Variants in RASGRP4 observed in about 807,000 individuals in gnomAD.
The protein encoded by RASGRP4 is RAS guanyl-releasing protein 4.
RASGRP4 carries 52 observed loss-of-function variants against 84.4 expected under a neutral mutation model. The ratio of observed to expected loss-of-function variants is 0.62; its 90% CI spans 0.49 to 0.78. The LOEUF (loss-of-function observed/expected upper bound fraction) is 0.78, where lower values mean the gene tolerates loss of function less well. RASGRP4 is among the 30% of genes least tolerant of loss of function. The pLI is 0.00. For synonymous variants in RASGRP4, 356 were observed against 359.1 expected, an observed-to-expected ratio of 0.99 and a Z score of 0.10; for missense variants, 760 against 886.9, an observed-to-expected ratio of 0.86 and a Z score of 1.82.
rs1443891848 is a variant in RASGRP4 at position 38,409,987 on chromosome 19, A to G, written c.*53T>C. The G allele has an allele frequency of 2.0e-6, 3 of 1,483,420 alleles. No individual in the cohort carries two copies. In the Admixed American group the frequency reaches 5.3e-5, roughly 26 times the overall value. The allele number at this position is 1,483,420 out of a possible 1,614,324, so 91.9% of individuals were successfully genotyped here. On this transcript the variant is annotated 3_prime_UTR_variant, in exon 17 of 17. Coordinates refer to ENST00000615439, the MANE Select transcript of RASGRP4 (RefSeq NM_170604.3). ...AGCCCTGCCAGAGTCTGACGGCAGG[A>G]CTCAGGACTGACTGGGGGAAGGGAG...
chr19:38,424,694 A>C (rs1454608914), intron 1 of RASGRP4, among the ~76,000 whole-genome samples: 1 of 151,890 alleles, frequency 6.6e-6, no homozygotes, highest in Non-Finnish European at 1.5e-5. Flanking sequence ...TATCCTCCCA[A>C]AGTGCTGGGA....
At chr19:38,426,042 C>A (rs1400624707) in intron 1 of RASGRP4, 27 bp downstream of exon 1, 1 of 1,365,638 alleles carries the variant, frequency 7.3e-7, no homozygotes, top group South Asian at 2.0e-5. Flanking sequence ...AGGGTGCTGC[C>A]GGGCTCCCTG....
chr19:38,415,564 G>A (rs531263033), intron 8 of RASGRP4, among the ~76,000 whole-genome samples: 1 of 151,418 alleles, frequency 6.6e-6, no homozygotes, highest in African/African-American at 2.4e-5. Flanking sequence ...GTAGAGACAG[G>A]GTTTTACCAT....
chr19:38,413,939 C>T lies in RASGRP4; in HGVS notation c.1231-465G>A, dbSNP rs1971384410. 6.6e-6 allele frequency among the ~76,000 whole-genome samples: 1 copy of T among 152,100 alleles called. No individual in the cohort carries two copies. The highest frequency in any genetic ancestry group is 2.1e-4 in the South Asian group (1 of 4,826). ...GAGCTCACTCTGCTCCATATACTGT[C>T]GTTTTTTGAGACAGAGTCTTGCTCT... On this transcript the variant is annotated intron_variant, in intron 9 of 16. Coordinates refer to ENST00000615439, the MANE Select transcript of RASGRP4 (RefSeq NM_170604.3). This position sits in a 1 kb window ranked among gnomAD's most constrained non-coding sequence, Gnocchi z 4.7.
At chr19:38,421,931 G>C (rs771028616) in intron 2 of RASGRP4, 38 bp downstream of exon 2, 57 of 1,578,410 alleles carry the variant, frequency 3.6e-5, no homozygotes, top group Non-Finnish European at 4.2e-5. Context: ...TGAGCCCGAG[G>C]TTAGGGCCAG....
At chr19:38,419,805 C>G (rs1971656174) in intron 6 of RASGRP4, 55 bp downstream of exon 6, 1 of 1,513,332 alleles carries the variant, frequency 6.6e-7, no homozygotes, top group East Asian at 2.5e-5. Flanking sequence ...CAGCCAATCC[C>G]TCCCCTACCC....
rs765963309 is a variant in RASGRP4 at position 38,413,320 on chromosome 19, CAGTT to C, written c.1312-27_1312-24del. On this transcript the variant is annotated intron_variant, in intron 10 of 16. Coordinates refer to ENST00000615439, the MANE Select transcript of RASGRP4 (RefSeq NM_170604.3). This position sits in a 1 kb window ranked among gnomAD's most constrained non-coding sequence, Gnocchi z 4.7. ...TGGCTGGGGCGGGGACAGAGGAGCACAGTTAGTCACTGCATAGGCTTAGGGGGGG... is the reference window on the plus strand; with the variant it reads ...TGGCTGGGGCGGGGACAGAGGAGCACAGTCACTGCATAGGCTTAGGGGGGG... 6.8e-6 allele frequency: 11 copies of C among 1,606,942 alleles called. No homozygotes were observed. Among genetic ancestry groups the C allele is most frequent in the Admixed American group, 1.7e-5 (1 of 59,864 alleles).
intron 8 of RASGRP4, 106 bp downstream of exon 8, chr19:38,416,946 G>A (rs2145215442): frequency 2.8e-6 from 2 of 704,826 alleles, no homozygotes; most frequent in East Asian, 5.4e-5. Flanking sequence ...AGGACTTCAT[G>A]TGGTACCAGG....
chr19:38,410,656 T>C (rs936655094), intron 16 of RASGRP4, among the ~76,000 whole-genome samples: 2 of 152,040 alleles, frequency 1.3e-5, no homozygotes, highest in East Asian at 3.9e-4. Context: ...CAAGTGATCC[T>C]CCCACCTCAG....
In RASGRP4 at chr19:38,422,955, A is replaced by T. The variant is rs184353407; in HGVS notation, c.24-802T>A. Among the ~76,000 whole-genome samples the T allele has an allele frequency of 5.9e-4, 89 of 151,924 alleles. 1 individual carries two copies. The highest frequency in any genetic ancestry group is 2.1e-3 in the African/African-American group (87 of 41,424). ...GGAATCACAGTAGAAGACCCCTGGG[A>T]CCACTCAAGACCCCTCAGGGAATCA... On this transcript the variant is annotated intron_variant, in intron 1 of 16. Coordinates refer to ENST00000615439, the MANE Select transcript of RASGRP4 (RefSeq NM_170604.3).
Position 38,417,375 on chromosome 19 carries a change from G to A in RASGRP4, c.838-207C>T, listed in dbSNP as rs1051552382. Reference sequence around the variant, plus strand: ...GGGTGTCAGATGGCTATCTGAGCCGGGAGGGTCAAGCAAGTGATTGACTGA... The same window carrying A: ...GGGTGTCAGATGGCTATCTGAGCCGAGAGGGTCAAGCAAGTGATTGACTGA... On this transcript the variant is annotated intron_variant, in intron 7 of 16. Transcript: ENST00000615439. The surrounding 1 kb of genome is among the most constrained non-coding windows in gnomAD (Gnocchi z 5.1). 6.6e-6 allele frequency among the ~76,000 whole-genome samples: 1 copy of A among 152,154 alleles called. No individual in the cohort carries two copies. Among genetic ancestry groups the A allele is most frequent in the Non-Finnish European group, 1.5e-5 (1 of 68,034 alleles).
In RASGRP4 at chr19:38,420,878, C is replaced by A. The variant is rs368280652; in HGVS notation, c.377+30G>T. On this transcript the variant is annotated intron_variant, in intron 4 of 16. Coordinates refer to ENST00000615439, the MANE Select transcript of RASGRP4 (RefSeq NM_170604.3). The stretch of plus-strand genomic sequence containing the variant: ...GGAAGCAGGATGGAAGTCGTGGGTC[C>A]TGAGAGTGGGGATCTCGGCCCAGCC... 176 of 1,607,764 alleles carry A rather than the reference C, an allele frequency of 1.1e-4. No individual in the cohort carries two copies. The East Asian group carries it at 1.3e-3, about 12-fold the overall frequency.
intron 13 of RASGRP4, 88 bp from the exon 14 acceptor site, chr19:38,411,469 G>T: frequency 7.9e-7 from 1 of 1,264,202 alleles, no homozygotes; most frequent in Non-Finnish European, 1.1e-6. Flanking sequence ...AAGTGTGGAA[G>T]CTACCCAGGT....
intron 13 of RASGRP4, chr19:38,411,654 A>T (rs1971262106): frequency 2.3e-6 from 1 of 429,472 alleles, no homozygotes; most frequent in South Asian, 4.0e-5. Context: ...TGATCGTACC[A>T]CGGCACTCCA....
chr19:38,415,371 ATTTTTTT>A (rs35862695), intron 8 of RASGRP4, among the ~76,000 whole-genome samples: 1 of 124,988 alleles, frequency 8.0e-6, no homozygotes, highest in South Asian at 2.6e-4. Flanking sequence ...TTTCTTTTTG[ATTTTTTT>A]TTTTTTTTTT....
chr19:38,418,329 G>A lies in RASGRP4; in HGVS notation c.837+62C>T, dbSNP rs899028045. 15 of 1,527,748 alleles carry A rather than the reference G, an allele frequency of 9.8e-6. No individual in the cohort carries two copies. Among genetic ancestry groups the A allele is most frequent in the Non-Finnish European group, 1.3e-5 (15 of 1,125,104 alleles). The allele number at this position is 1,527,748 out of a possible 1,614,324, so 94.6% of individuals were successfully genotyped here. A position where few individuals can be genotyped will look rare whatever the true frequency, so the allele number is the denominator to read the frequency against. On this transcript the variant is annotated intron_variant, in intron 7 of 16. Transcript: ENST00000615439. The surrounding 1 kb of genome is among the most constrained non-coding windows in gnomAD (Gnocchi z 4.6). ...ATGACCCTGTGGGGTCGAGGGTCTG[G>A]AAGGGGAAGGACCAGGTGGCTGCGT...
intron 9 of RASGRP4, 101 bp downstream of exon 9, chr19:38,414,747 C>T: frequency 7.8e-7 from 1 of 1,277,018 alleles, no homozygotes; most frequent in Non-Finnish European, 1.1e-6. Flanking sequence ...CCCATGCACT[C>T]CAGCACTTTT....
chr19:38,419,852 G>A lies in RASGRP4; in HGVS notation c.663+8C>T. ...CTGCTTGGGACGGGGATGGGAGGGG[G>A]TCCTCACCGTGATAGCCTGGAAGGA... On this transcript the variant is annotated splice_region_variant and intron_variant, in intron 6 of 16. Transcript: ENST00000615439. 1 of 1,581,900 alleles carries A rather than the reference G, an allele frequency of 6.3e-7. No individual in the cohort carries two copies. The highest frequency in any genetic ancestry group is 8.6e-7 in the Non-Finnish European group (1 of 1,163,318).
chr19:38,420,593 G>A (rs1019324823), intron 4 of RASGRP4, among the ~76,000 whole-genome samples: 1 of 151,040 alleles, frequency 6.6e-6, no homozygotes, highest in Non-Finnish European at 1.5e-5. Context: ...AGAATGAGGG[G>A]GTCTTATGGG....
Sources: gnomAD v4.1 joint callset for allele counts (sites outside exome capture counted in the v4.1 genomes callset) on GRCh38, gnomAD v4.1.1 for gene constraint, Gnocchi (gnomAD v3.1) non-coding constraint, MANE v1.5 for transcripts, NCBI Gene and HGNC (gene_info 2026-07-23, HGNC 2026-07-21) for gene names.